KANK1: variants seen among roughly 807,000 people sequenced by gnomAD.
KANK1 encodes the protein KN motif and ankyrin repeat domains 1.
A neutral mutation model predicts 106.2 loss-of-function variants in KANK1; 109 were observed. The ratio of observed to expected loss-of-function variants is 1.03; its 90% CI spans 0.88 to 1.20. The LOEUF is 1.20. Ranked by LOEUF, KANK1 falls within the 50% of genes most tolerant of loss-of-function variation. The pLI, the probability that KANK1 is intolerant of heterozygous loss-of-function variation, is 0.00. For synonymous variants in KANK1, 873 were observed against 652.2 expected, an observed-to-expected ratio of 1.34 and a Z score of -5.16; for missense variants, 2,399 against 1,710.7, an observed-to-expected ratio of 1.40 and a Z score of -7.10.
At chr9:692,261 AGGTGATTATCT>A (rs959186318) in intron 2 of KANK1, among the ~76,000 whole-genome samples, 5 of 152,206 alleles carry the variant, frequency 3.3e-5, no homozygotes, top group African/African-American at 9.7e-5. Flanking sequence ...GAGACCTTAA[AGGTGATTATCT>A]TTGAGACACA....
chr9:666,824 G>A (rs113950175), intron 1 of KANK1, among the ~76,000 whole-genome samples: 46 of 150,170 alleles, frequency 3.1e-4, no homozygotes, highest in African/African-American at 1.0e-3. Context: ...TTAATATCTT[G>A]CTGAATTCAG....
intron 1 of KANK1, among the ~76,000 whole-genome samples, chr9:588,403 C>T (rs886913620): frequency 2.0e-5 from 3 of 152,006 alleles, no homozygotes; most frequent in Admixed American, 6.6e-5. Context: ...GGATAAATTG[C>T]CAGAAGTGGC....
chr9:504,177 C>G (rs1330318532), upstream of KANK1, among the ~76,000 whole-genome samples: 1 of 152,194 alleles, frequency 6.6e-6, no homozygotes, highest in Non-Finnish European at 1.5e-5. Flanking sequence ...TGCCAGAACC[C>G]CCGCCCCAGC....
chr9:542,767 A>G (rs185127097), intron 1 of KANK1, among the ~76,000 whole-genome samples: 2 of 152,218 alleles, frequency 1.3e-5, no homozygotes, highest in African/African-American at 2.4e-5. Context: ...AGATGAACCT[A>G]TTCATAAATG....
chr9:705,665 C>G (rs1254342442), intron 2 of KANK1, among the ~76,000 whole-genome samples: 1 of 151,530 alleles, frequency 6.6e-6, no homozygotes, highest in Non-Finnish European at 1.5e-5. Context: ...TGTGTGTGAT[C>G]TTGGCTCACT....
intron 3 of KANK1, among the ~76,000 whole-genome samples, chr9:473,442 A>G (rs2058053474): frequency 6.6e-6 from 1 of 152,206 alleles, no homozygotes; most frequent in South Asian, 2.1e-4. Flanking sequence ...AATGATAACC[A>G]GGTGAAAGAC....
intron 1 of KANK1, among the ~76,000 whole-genome samples, chr9:570,811 A>C (rs542391517): frequency 6.6e-6 from 1 of 152,314 alleles, no homozygotes; most frequent in South Asian, 2.1e-4. Flanking sequence ...CCGTTGGCTT[A>C]GTTTTTCATG....
chr9:634,959 G>T (rs1836734785), intron 1 of KANK1, among the ~76,000 whole-genome samples: 1 of 152,166 alleles, frequency 6.6e-6, no homozygotes, highest in Non-Finnish European at 1.5e-5. Context: ...ATCACATCTA[G>T]ACAGGGCATC....
chr9:489,912 CTCTATG>C (rs1200691705), intron 3 of KANK1, among the ~76,000 whole-genome samples: 1 of 152,080 alleles, frequency 6.6e-6, no homozygotes, highest in African/African-American at 2.4e-5. Flanking sequence ...TAAACAATAC[CTCTATG>C]TCTGGGGGAA....
At chr9:578,942 T>A (rs1008222535) in intron 1 of KANK1, among the ~76,000 whole-genome samples, 8 of 152,218 alleles carry the variant, frequency 5.3e-5, no homozygotes, top group African/African-American at 1.9e-4. Flanking sequence ...CTCATAACTC[T>A]AGGAATTTGA....
intron 1 of KANK1, among the ~76,000 whole-genome samples, chr9:593,287 A>T (rs138167113): frequency 0.012 from 1,893 of 152,022 alleles, 28 homozygotes; most frequent in Non-Finnish European, 0.017. Flanking sequence ...GACAAAAGTC[A>T]GATGTGCCCA....
chr9:742,104 T>TGTCA, intron 9 of KANK1, 101 bp from the exon 10 acceptor site: 1 of 1,008,262 alleles, frequency 9.9e-7, no homozygotes, highest in Non-Finnish European at 1.5e-6. Flanking sequence ...CTTTCCCTTC[T>TGTCA]GTCACCACAC....
intron 1 of KANK1, among the ~76,000 whole-genome samples, chr9:639,697 T>G (rs1309887401): frequency 2.0e-5 from 3 of 152,204 alleles, no homozygotes; most frequent in Admixed American, 6.5e-5. Flanking sequence ...GTCTCCGTCT[T>G]AGTCCATTCA....
chr9:670,648 T>C (rs911878196), intron 1 of KANK1, among the ~76,000 whole-genome samples: 3 of 152,138 alleles, frequency 2.0e-5, no homozygotes, highest in Non-Finnish European at 4.4e-5. Context: ...TCTCCTTTGG[T>C]TGAGTTACAG....
chr9:518,908 G>A (rs4742062), intron 1 of KANK1, among the ~76,000 whole-genome samples: 57,075 of 149,646 alleles, frequency 0.38, 11,241 homozygotes, highest in Admixed American at 0.41. Flanking sequence ...TTTTTGTTTT[G>A]AGACAGAGTT....
chr9:595,515 T>A (rs1825997336), intron 1 of KANK1, among the ~76,000 whole-genome samples: 2 of 151,552 alleles, frequency 1.3e-5, no homozygotes. Flanking sequence ...ACATAAGAAT[T>A]TTTTTCTTTT....
chr9:525,942 G>T (rs74373422), intron 1 of KANK1, among the ~76,000 whole-genome samples: 4,837 of 151,710 alleles, frequency 0.032, 116 homozygotes, highest in Non-Finnish European at 0.048. Context: ...TAAAATAAAG[G>T]ATCAGTTTGT....
intron 2 of KANK1, among the ~76,000 whole-genome samples, chr9:682,673 A>G (rs1278417686): frequency 6.6e-6 from 1 of 151,856 alleles, no homozygotes; most frequent in Non-Finnish European, 1.5e-5. Flanking sequence ...CTCCTTTTTT[A>G]TTATTTCCCA....
intron 2 of KANK1, among the ~76,000 whole-genome samples, chr9:472,883 A>G (rs1375889989): frequency 6.6e-6 from 1 of 152,146 alleles, no homozygotes; most frequent in Non-Finnish European, 1.5e-5. Flanking sequence ...CAGCCTCCTA[A>G]TGGTCAGCAT....
Sources: gnomAD v4.1 joint callset for allele counts (sites outside exome capture counted in the v4.1 genomes callset) on GRCh38, gnomAD v4.1.1 for gene constraint, MANE v1.5 for transcripts, NCBI Gene and HGNC (gene_info 2026-07-23, HGNC 2026-07-21) for gene names.